SMAD6: variants seen among roughly 807,000 people sequenced by gnomAD.
The protein encoded by SMAD6 is SMAD family member 6.
In SMAD6, 103 loss-of-function variants were observed where a neutral mutation model predicts 39.4. The observed-to-expected ratio is 2.62, with a 90% CI of 2.23 to 3.08. The LOEUF (loss-of-function observed/expected upper bound fraction) is 3.08, where lower values mean the gene tolerates loss of function less well. Among genes scored for constraint, SMAD6 ranks in the 30% most tolerant of loss-of-function variants. SMAD6 has a pLI of 0.00. For missense variants in SMAD6, 1,104 were observed against 742.9 expected, an observed-to-expected ratio of 1.49 and a Z score of -5.65; for synonymous variants, 445 against 353.3, an observed-to-expected ratio of 1.26 and a Z score of -2.91.
At position 66,703,757 on chromosome 15, in the gene SMAD6, CTGCTGGAGCAGGAA is replaced by C. The variant is rs1893037214; in HGVS notation, c.500_513del (p.Leu167ProfsTer131). The C allele has an allele frequency of 1.4e-6, 2 of 1,405,756 alleles. No individual in the cohort carries two copies. 87.1% of individuals were successfully genotyped at this position (1,405,756 alleles called of 1,614,324 possible). On this transcript the variant is annotated frameshift_variant, in exon 1 of 4. Transcript: ENST00000288840. LOFTEE classifies it high-confidence loss of function. The stretch of plus-strand genomic sequence containing the variant: ...TCGCGAAGCGCGCTCGCGGCTGCTG[CTGCTGGAGCAGGAA>C]CTCAAAACCGTCACGTACTCGCTGC...
chr15:66,767,456 T>C (rs995346783), intron 3 of SMAD6, among the ~76,000 whole-genome samples: 24 of 152,126 alleles, frequency 1.6e-4, no homozygotes, highest in South Asian at 2.1e-4. Context: ...CTTTGCACCC[T>C]TCACCCCTGA....
intron 3 of SMAD6, among the ~76,000 whole-genome samples, chr15:66,739,934 C>A (rs748006355): frequency 6.6e-6 from 1 of 152,210 alleles, no homozygotes; most frequent in African/African-American, 2.4e-5. Context: ...ACCACTGCAC[C>A]TGGCTGTTAT....
intron 3 of SMAD6, among the ~76,000 whole-genome samples, chr15:66,744,417 A>C (rs1893872285): frequency 6.6e-6 from 1 of 152,144 alleles, no homozygotes. Flanking sequence ...GTGTCAGGAC[A>C]CCTGGCAAAC....
intron 3 of SMAD6, among the ~76,000 whole-genome samples, chr15:66,719,030 A>G (rs1053696786): frequency 2.0e-5 from 3 of 152,218 alleles, no homozygotes; most frequent in Admixed American, 1.3e-4. Flanking sequence ...GACACTCACT[A>G]CATGTCAGGC....
chr15:66,741,435 C>T lies in SMAD6; in HGVS notation c.952+24937C>T, dbSNP rs183815580. On this transcript the variant is annotated intron_variant, in intron 3 of 3. Coordinates refer to ENST00000288840, the MANE Select transcript of SMAD6 (RefSeq NM_005585.5). The stretch of plus-strand genomic sequence containing the variant: ...AGGTTTGTGTTTCATTAGGCTCCTA[C>T]AGGAACTTTGGGTCCTTTTCCTGCT... Among the ~76,000 whole-genome samples the T allele has an allele frequency of 2.0e-5, 3 of 152,354 alleles. No individual in the cohort carries two copies. In the East Asian group the frequency reaches 5.8e-4, roughly 29 times the overall value.
intron 3 of SMAD6, among the ~76,000 whole-genome samples, chr15:66,726,410 G>C (rs564095987): frequency 6.6e-6 from 1 of 152,326 alleles, no homozygotes; most frequent in East Asian, 1.9e-4. Context: ...GGGATTGTCT[G>C]TCTCAGGCCC....
At chr15:66,708,921 G>A (rs968152651) in intron 1 of SMAD6, among the ~76,000 whole-genome samples, 8 of 152,242 alleles carry the variant, frequency 5.3e-5, no homozygotes, top group Non-Finnish European at 1.0e-4. Context: ...ATGAATCTTA[G>A]GGTATGTGAA....
At chr15:66,764,189 G>A (rs1025710177) in intron 3 of SMAD6, among the ~76,000 whole-genome samples, 1 of 152,364 alleles carries the variant, frequency 6.6e-6, no homozygotes, top group Admixed American at 6.5e-5. Flanking sequence ...CTGCTTTCGA[G>A]AGCAGATAAG....
intron 3 of SMAD6, among the ~76,000 whole-genome samples, chr15:66,761,964 G>A (rs1257304413): frequency 1.3e-5 from 2 of 152,164 alleles, no homozygotes; most frequent in Non-Finnish European, 2.9e-5. Context: ...TTTTGAATTG[G>A]GAGCAAGGAA....
At chr15:66,771,700 A>T (rs1894382500) in intron 3 of SMAD6, among the ~76,000 whole-genome samples, 1 of 152,160 alleles carries the variant, frequency 6.6e-6, no homozygotes, top group African/African-American at 2.4e-5. Flanking sequence ...TGTCCTGAGG[A>T]TGGGGATGAT....
chr15:66,759,829 G>A (rs1441140208), intron 3 of SMAD6, among the ~76,000 whole-genome samples: 1 of 152,222 alleles, frequency 6.6e-6, no homozygotes, highest in Admixed American at 6.5e-5. Context: ...CAGAGGTAGT[G>A]TGAGCAGGGT....
In SMAD6 at chr15:66,731,841, A is replaced by G. The variant is rs75544083; in HGVS notation, c.952+15343A>G. Among the ~76,000 whole-genome samples the G allele has an allele frequency of 1.6e-3, 237 of 152,238 alleles. 1 individual carries two copies. The highest frequency in any genetic ancestry group is 5.4e-3 in the African/African-American group (224 of 41,526). On this transcript the variant is annotated intron_variant, in intron 3 of 3. Coordinates refer to ENST00000288840, the MANE Select transcript of SMAD6 (RefSeq NM_005585.5). Reference sequence around the variant, plus strand: ...ACCATTTTGCAATCCCAACAGCAGTATATGAGAATTCTAGTTACTCCATAT... The same window carrying G: ...ACCATTTTGCAATCCCAACAGCAGTGTATGAGAATTCTAGTTACTCCATAT...
chr15:66,765,802 ACT>A (rs1330419743), intron 3 of SMAD6, among the ~76,000 whole-genome samples: 3 of 151,742 alleles, frequency 2.0e-5, no homozygotes, highest in African/African-American at 7.3e-5. Context: ...GTTATTTTTA[ACT>A]CTGGTGTTAG....
Position 66,702,411 on chromosome 15 carries a change from C to G in SMAD6, c.-848C>G, listed in dbSNP as rs1406955524. 2.0e-5 allele frequency: 3 copies of G among 151,134 alleles called. No individual in the cohort carries two copies. The highest frequency in any genetic ancestry group is 3.0e-5 in the Non-Finnish European group (2 of 67,792). 9.4% of individuals were successfully genotyped at this position (151,134 alleles called of 1,614,324 possible). On this transcript the variant is annotated 5_prime_UTR_variant, in exon 1 of 4. Coordinates refer to ENST00000288840, the MANE Select transcript of SMAD6 (RefSeq NM_005585.5). ...AGACCTCGCTGGGACCCCGGGGCCA[C>G]CGGGAGGCACTTTTGTGGAGGGGGG...
chr15:66,735,185 A>G (rs1893692182), intron 3 of SMAD6, among the ~76,000 whole-genome samples: 1 of 152,202 alleles, frequency 6.6e-6, no homozygotes, highest in African/African-American at 2.4e-5. Flanking sequence ...TGAGGTGACC[A>G]TGGCCTGCTG....
chr15:66,747,630 C>T lies in SMAD6; in HGVS notation c.952+31132C>T, dbSNP rs1159380154. On this transcript the variant is annotated intron_variant, in intron 3 of 3. Transcript: ENST00000288840. This position sits in a 1 kb window ranked among gnomAD's most constrained non-coding sequence, Gnocchi z 4.5. The stretch of plus-strand genomic sequence containing the variant: ...TAGTTTTTAAGACTAGGTTAGCCTT[C>T]CTCGGACACTGACTCCACGGTTTCC... Among the ~76,000 whole-genome samples the T allele has an allele frequency of 6.6e-6, 1 of 152,230 alleles. No individual in the cohort carries two copies. The highest frequency in any genetic ancestry group is 1.5e-5 in the Non-Finnish European group (1 of 68,044).
chr15:66,781,302 C>T lies in SMAD6; in HGVS notation c.1258C>T (p.Pro420Ser). The change falls in exon 4 of 4, where the codon CCC becomes TCC. Residue 420 changes from proline to serine, a missense_variant. Coordinates refer to ENST00000288840, the MANE Select transcript of SMAD6 (RefSeq NM_005585.5). ...IFVNSPTLDA[P>S]GGRALVVRKV... ...CGTCAACTCCCCGACGCTGGACGCG[C>T]CCGGCGGCCGCGCCCTGGTCGTGCG... 6.2e-7 allele frequency: 1 copy of T among 1,603,008 alleles called. No homozygotes were observed. Among genetic ancestry groups the T allele is most frequent in the Non-Finnish European group, 8.5e-7 (1 of 1,176,314 alleles).
intron 1 of SMAD6, among the ~76,000 whole-genome samples, chr15:66,711,015 C>T (rs775254363): frequency 2.6e-5 from 4 of 152,170 alleles, no homozygotes; most frequent in African/African-American, 4.8e-5. Context: ...TGTTTGGACA[C>T]GAGTTTCTGT....
At chr15:66,735,051 G>C (rs546416025) in intron 3 of SMAD6, among the ~76,000 whole-genome samples, 1 of 152,344 alleles carries the variant, frequency 6.6e-6, no homozygotes, top group East Asian at 1.9e-4. Context: ...GCCACGGCCA[G>C]CTCGGCCTTT....
Sources: allele counts gnomAD v4.1 joint callset (sites outside exome capture counted in the v4.1 genomes callset), GRCh38; gene constraint gnomAD v4.1.1; non-coding constraint Gnocchi (gnomAD v3.1); transcripts MANE v1.5; gene names NCBI Gene and HGNC (gene_info 2026-07-23, HGNC 2026-07-21).